CNOT4: variants seen among roughly 807,000 people sequenced by gnomAD.
CNOT4 encodes the protein CCR4-associated factor 4.
In CNOT4, 8 loss-of-function variants were observed where a neutral mutation model predicts 73.8. The observed-to-expected ratio is 0.11, with a 90% CI of 0.06 to 0.20. CNOT4 has a LOEUF of 0.20. CNOT4 is among the 10% of genes least tolerant of loss of function. The probability of loss-of-function intolerance (pLI) is 1.00; values close to 1 mark genes in which losing one functional copy is unlikely to be tolerated. For synonymous variants in CNOT4, 293 were observed against 321.1 expected, an observed-to-expected ratio of 0.91 and a Z score of 0.94; for missense variants, 564 against 883.4, an observed-to-expected ratio of 0.64 and a Z score of 4.58.
chr7:135,404,746 CCTT>C (rs1246410447), intron 7 of CNOT4, among the ~76,000 whole-genome samples: 3 of 152,094 alleles, frequency 2.0e-5, no homozygotes, highest in African/African-American at 7.2e-5. Context: ...GATGTATACT[CCTT>C]CTCAAATGTA....
chr7:135,461,546 C>T (rs531198590), intron 1 of CNOT4, among the ~76,000 whole-genome samples: 3 of 151,936 alleles, frequency 2.0e-5, no homozygotes, highest in African/African-American at 7.3e-5. Context: ...AAATAACAAG[C>T]AGAGGCCGGG....
chr7:135,470,429 C>T (rs1801506724), intron 1 of CNOT4, among the ~76,000 whole-genome samples: 1 of 152,040 alleles, frequency 6.6e-6, no homozygotes, highest in Non-Finnish European at 1.5e-5. Flanking sequence ...CCATGCTTGG[C>T]CTGTTCATAA....
intron 10 of CNOT4, among the ~76,000 whole-genome samples, chr7:135,392,064 C>T (rs1043212775): frequency 6.6e-6 from 1 of 151,924 alleles, no homozygotes; most frequent in Non-Finnish European, 1.5e-5. Flanking sequence ...TATGCCTTTA[C>T]TCAGGAGGTT....
chr7:135,484,454 T>C (rs551068221), intron 1 of CNOT4, among the ~76,000 whole-genome samples: 1 of 152,138 alleles, frequency 6.6e-6, no homozygotes, highest in Non-Finnish European at 1.5e-5. Context: ...AGCAAGGTTA[T>C]AAGATGCAAG....
chr7:135,472,025 T>C (rs1435029003), intron 1 of CNOT4, among the ~76,000 whole-genome samples: 1 of 151,702 alleles, frequency 6.6e-6, no homozygotes, highest in Non-Finnish European at 1.5e-5. Flanking sequence ...ATACAAAAAT[T>C]AGCCAGGTGT....
chr7:135,479,731 T>C (rs1802239789), intron 1 of CNOT4, among the ~76,000 whole-genome samples: 1 of 151,750 alleles, frequency 6.6e-6, no homozygotes, highest in Admixed American at 6.6e-5. Flanking sequence ...ACCTGGTCTC[T>C]ATAAAAAACA....
rs1352987464 is a variant in CNOT4, at chr7:135,394,073, A to C, written c.1472T>G (p.Phe491Cys). The C allele has an allele frequency of 6.2e-7, 1 of 1,614,178 alleles. No homozygotes were observed. The highest frequency in any genetic ancestry group is 2.2e-5 in the East Asian group (1 of 44,886). ...QHRAVYNSFS[F>C]PGQAARYPWM... ...AGGATAGCGGGCTGCCTGGCCTGGA[A>C]AACTGAATGAATTATAAACCGCTCG... The change falls in exon 10 of 12, where the codon TTT (phenylalanine) becomes TGT (cysteine). Residue 491 changes from phenylalanine (F) to cysteine (C), a missense_variant. Around this residue, in one of 10 missense-constraint regions of CNOT4, gnomAD observed 153 missense variants for 158.7 expected, o/e 0.96. Transcript: ENST00000541284.
At chr7:135,381,639 A>G (rs1002049897) in intron 10 of CNOT4, among the ~76,000 whole-genome samples, 11 of 152,206 alleles carry the variant, frequency 7.2e-5, no homozygotes. Context: ...AGCTATTACC[A>G]CACAGCCCCA....
intron 1 of CNOT4, among the ~76,000 whole-genome samples, chr7:135,506,705 G>C (rs1042265013): frequency 6.6e-6 from 1 of 151,776 alleles, no homozygotes; most frequent in South Asian, 2.1e-4. Flanking sequence ...AAACTTAGCC[G>C]GGCATGGTGG....
chr7:135,426,627 GA>G (rs1262434720), intron 2 of CNOT4, among the ~76,000 whole-genome samples: 7 of 146,206 alleles, frequency 4.8e-5, no homozygotes, highest in Non-Finnish European at 1.1e-4. Flanking sequence ...AAGAAAGAAA[GA>G]AAGAAAAATA....
At chr7:135,500,036 T>C (rs1186797222) in intron 1 of CNOT4, among the ~76,000 whole-genome samples, 2 of 152,216 alleles carry the variant, frequency 1.3e-5, no homozygotes, top group Admixed American at 1.3e-4. Context: ...GAAAAACAGA[T>C]TATTTCCCAA....
At chr7:135,421,950 T>C (rs952450848) in intron 3 of CNOT4, among the ~76,000 whole-genome samples, 10 of 152,226 alleles carry the variant, frequency 6.6e-5, no homozygotes, top group Non-Finnish European at 1.2e-4. Flanking sequence ...CTGAAGAAAT[T>C]GAAGCCAAGA....
At chr7:135,501,142 A>C (rs1803937964) in intron 1 of CNOT4, among the ~76,000 whole-genome samples, 1 of 151,702 alleles carries the variant, frequency 6.6e-6, no homozygotes, top group South Asian at 2.1e-4. Context: ...ACACCACCAT[A>C]CCTAGCTAAT....
intron 1 of CNOT4, among the ~76,000 whole-genome samples, chr7:135,506,444 C>T (rs1804373644): frequency 6.6e-6 from 1 of 152,160 alleles, no homozygotes; most frequent in Non-Finnish European, 1.5e-5. Context: ...TGAATTTTCA[C>T]CAGAGGCTGA....
At chr7:135,492,503 T>G (rs1420436580) in intron 1 of CNOT4, among the ~76,000 whole-genome samples, 1 of 152,076 alleles carries the variant, frequency 6.6e-6, no homozygotes, top group Non-Finnish European at 1.5e-5. Context: ...ATAGAATCAG[T>G]GGACTGACAG....
intron 9 of CNOT4, among the ~76,000 whole-genome samples, chr7:135,394,827 G>GA (rs140709903): frequency 0.035 from 5,354 of 152,034 alleles, 322 homozygotes; most frequent in African/African-American, 0.12. Context: ...TCTATACTAA[G>GA]AAAAATATAA....
intron 1 of CNOT4, among the ~76,000 whole-genome samples, chr7:135,495,626 C>T (rs1341878462): frequency 2.2e-5 from 3 of 137,166 alleles, no homozygotes; most frequent in Non-Finnish European, 3.0e-5. Context: ...GCCAAGATCT[C>T]GCCACTGCAC....
At chr7:135,504,510 G>A (rs1377782613) in intron 1 of CNOT4, among the ~76,000 whole-genome samples, 2 of 76,972 alleles carry the variant, frequency 2.6e-5, no homozygotes, top group Non-Finnish European at 4.9e-5. Context: ...TTTTTGAGAC[G>A]GAGTCTCGCT....
intron 7 of CNOT4, among the ~76,000 whole-genome samples, chr7:135,398,756 T>G (rs1191619733): frequency 6.6e-6 from 1 of 152,076 alleles, no homozygotes; most frequent in Non-Finnish European, 1.5e-5. Context: ...ATCAAAAGTC[T>G]AACCTACCAT....
Sources: allele counts gnomAD v4.1 joint callset (sites outside exome capture counted in the v4.1 genomes callset), GRCh38; gene constraint gnomAD v4.1.1; regional missense constraint gnomAD v4.1.1; transcripts MANE v1.5; gene names NCBI Gene and HGNC (gene_info 2026-07-23, HGNC 2026-07-21).